Variants in NBEAL1 observed in about 807,000 individuals in gnomAD.
NBEAL1 encodes the protein neurobeachin-like protein 1.
In NBEAL1, 273 loss-of-function variants were observed where a neutral mutation model predicts 351.3. That is an observed-to-expected ratio of 0.78 (90% CI 0.70 to 0.86). The LOEUF is 0.86. NBEAL1 is among the 40% of genes least tolerant of loss of function. The pLI, the probability that NBEAL1 is intolerant of heterozygous loss-of-function variation, is 0.00. For synonymous variants in NBEAL1, 1,050 were observed against 1,086.4 expected (o/e 0.97, Z 0.66); for missense variants, 2,961 against 3,201.3 (o/e 0.92, Z 1.81).
intron 43 of NBEAL1, chr2:203,181,912 G>A (rs2064729520): frequency 1.3e-5 from 2 of 152,062 alleles, no homozygotes; most frequent in African/African-American, 4.8e-5. Flanking sequence ...GACTACATTT[G>A]GATAAAGAAT....
chr2:203,156,438 T>C (rs1346669272), intron 35 of NBEAL1, among the ~76,000 whole-genome samples: 7 of 152,250 alleles, frequency 4.6e-5, no homozygotes, highest in African/African-American at 1.7e-4. Flanking sequence ...AATAGTACCA[T>C]ACATCTATAT....
chr2:203,063,635 A>T (rs1197958505), intron 6 of NBEAL1, among the ~76,000 whole-genome samples: 1 of 152,208 alleles, frequency 6.6e-6, no homozygotes, highest in Non-Finnish European at 1.5e-5. Flanking sequence ...TCATTTAAAC[A>T]TTGATTCAAA....
rs1371511017 is a variant in NBEAL1, at chr2:203,218,613, C to A, written c.*1259C>A. 6.6e-6 allele frequency: 1 copy of A among 152,088 alleles called. No individual in the cohort carries two copies. Among genetic ancestry groups the A allele is most frequent in the Non-Finnish European group, 1.5e-5 (1 of 67,976 alleles). 9.4% of individuals were successfully genotyped at this position (152,088 alleles called of 1,614,324 possible). ...GGGATCTGTTTCCAGTAATAGTATT[C>A]TTTTTTGTTCCACAAATCATAGATG... On this transcript the variant is annotated 3_prime_UTR_variant, in exon 56 of 56. Transcript: ENST00000683969.
intron 51 of NBEAL1, among the ~76,000 whole-genome samples, chr2:203,206,483 C>T (rs1235670801): frequency 6.6e-6 from 1 of 152,154 alleles, no homozygotes; most frequent in Non-Finnish European, 1.5e-5. Flanking sequence ...CTGGACTGTA[C>T]TGCTGCCATC....
rs11355179 is a variant in NBEAL1 at position 203,128,262 on chromosome 2, CTTT to C, written c.3405+346_3405+348del. ...CCCCCACACTGAGCTAATTTTTTGC[CTTT>C]TTTTTTTTTTTTTTTTTTTTCCGGT... On this transcript the variant is annotated intron_variant, in intron 24 of 55. Transcript: ENST00000683969. Among the ~76,000 whole-genome samples the C allele has an allele frequency of 5.5e-3, 518 of 94,916 alleles. 11 individuals are homozygous for C. Among genetic ancestry groups the C allele is most frequent in the Admixed American group, 0.031 (242 of 7,918 alleles). 62.3% of individuals were successfully genotyped at this position (94,916 alleles called of 152,430 possible). A position where few individuals can be genotyped will look rare whatever the true frequency, so the allele number is the denominator to read the frequency against.
At chr2:203,158,811 T>TA (rs2063865463) in intron 36 of NBEAL1, among the ~76,000 whole-genome samples, 1 of 136,342 alleles carries the variant, frequency 7.3e-6, no homozygotes, top group Non-Finnish European at 1.5e-5. Flanking sequence ...TGTTTTTCTG[T>TA]AGGGTTTTTT....
intron 3 of NBEAL1, among the ~76,000 whole-genome samples, chr2:203,043,090 T>C (rs1421155943): frequency 6.6e-6 from 1 of 152,214 alleles, no homozygotes; most frequent in Non-Finnish European, 1.5e-5. Flanking sequence ...ATATTCTTTA[T>C]TATACAATAG....
intron 43 of NBEAL1, chr2:203,181,367 A>G (rs1472575608): frequency 6.6e-6 from 1 of 152,132 alleles, no homozygotes. Flanking sequence ...AAATTTGGTA[A>G]CTCCTGATTT....
chr2:203,031,141 T>C (rs1466374651), intron 2 of NBEAL1, among the ~76,000 whole-genome samples: 3 of 152,264 alleles, frequency 2.0e-5, no homozygotes, highest in Non-Finnish European at 4.4e-5. Context: ...TCTCATTGTT[T>C]TGAAATTTCT....
chr2:203,209,064 C>T, intron 52 of NBEAL1, 97 bp from the exon 53 acceptor site: 5 of 996,524 alleles, frequency 5.0e-6, no homozygotes, highest in Non-Finnish European at 7.4e-6. Context: ...TTCTTGGTTC[C>T]TTTCCCACAT....
Position 203,201,591 on chromosome 2 carries a change from T to A in NBEAL1, c.7287T>A (p.Thr2429=). 1 of 1,611,888 alleles carries A rather than the reference T, an allele frequency of 6.2e-7. No homozygotes were observed. Among genetic ancestry groups the A allele is most frequent in the Non-Finnish European group, 8.5e-7 (1 of 1,178,898 alleles). Residue 2429 remains threonine, a synonymous_variant, in exon 50 of 56, where the codon ACT becomes ACA. Coordinates refer to ENST00000683969, the MANE Select transcript of NBEAL1 (RefSeq NM_001378026.1). The part of the protein sequence containing the change: ...NGSFAPGLEI[T]SKLFVVSHDA... ...CTTTTGCTCCCGGGCTAGAGATCACTTCTAAGCTATTTGTAGTATCACATG... is the reference window on the plus strand; with the variant it reads ...CTTTTGCTCCCGGGCTAGAGATCACATCTAAGCTATTTGTAGTATCACATG...
intron 2 of NBEAL1, among the ~76,000 whole-genome samples, chr2:203,029,128 G>A (rs1195656901): frequency 6.6e-6 from 1 of 152,114 alleles, no homozygotes; most frequent in African/African-American, 2.4e-5. Context: ...TGTGATTATA[G>A]GGTGGCTAAT....
In NBEAL1 at chr2:203,138,237, C is replaced by T. The variant is rs577382109; in HGVS notation, c.4641C>T (p.Asn1547=). Residue 1547 remains asparagine, a synonymous_variant, in exon 30 of 56, where the codon AAC becomes AAT. Transcript: ENST00000683969. ...EAKTNPVTAE[N]AFRLVLIIQD... is the part of the protein sequence containing the mutation. ...AAACTAATCCAGTAACTGCTGAAAA[C>T]GCCTTCCGACTAGTGCTGATCATAC... 7.4e-6 allele frequency: 12 copies of T among 1,613,942 alleles called. No homozygotes were observed. Among genetic ancestry groups the T allele is most frequent in the Middle Eastern group, 1.6e-4 (1 of 6,062 alleles).
intron 12 of NBEAL1, among the ~76,000 whole-genome samples, chr2:203,102,507 T>G (rs2062347842): frequency 6.6e-6 from 1 of 152,256 alleles, no homozygotes; most frequent in Non-Finnish European, 1.5e-5. Flanking sequence ...TTGAGGGTTT[T>G]TAACATGAAG....
chr2:203,015,495 C>G (rs796418778), intron 1 of NBEAL1, among the ~76,000 whole-genome samples: 1 of 151,732 alleles, frequency 6.6e-6, no homozygotes, highest in Admixed American at 6.6e-5. Context: ...GAGTCTTGCT[C>G]TGTCGCCCAG....
At chr2:203,190,938 G>A in intron 46 of NBEAL1, 4 of 1,610,450 alleles carry the variant, frequency 2.5e-6, no homozygotes, top group Non-Finnish European at 8.5e-7. Flanking sequence ...CGGGTGACTG[G>A]AAGGGCCTGA....
chr2:203,032,063 G>C (rs1188579191), intron 2 of NBEAL1, among the ~76,000 whole-genome samples: 1 of 152,198 alleles, frequency 6.6e-6, no homozygotes, highest in Non-Finnish European at 1.5e-5. Context: ...CAGAAGTTCA[G>C]TAATGAGTAG....
chr2:203,147,145 G>T (rs969013692), intron 33 of NBEAL1, among the ~76,000 whole-genome samples: 1 of 152,002 alleles, frequency 6.6e-6, no homozygotes, highest in Non-Finnish European at 1.5e-5. Context: ...AGTTACTGTT[G>T]TACCACAAAT....
At chr2:203,110,911 A>G (rs1559373139) in intron 15 of NBEAL1, among the ~76,000 whole-genome samples, 1 of 151,288 alleles carries the variant, frequency 6.6e-6, no homozygotes, top group Admixed American at 6.6e-5. Context: ...GACTACAGGC[A>G]CGTGCCACCA....
Sources: allele counts gnomAD v4.1 joint callset (sites outside exome capture counted in the v4.1 genomes callset), GRCh38; gene constraint gnomAD v4.1.1; transcripts MANE v1.5; gene names NCBI Gene and HGNC (gene_info 2026-07-23, HGNC 2026-07-21).